The following SPOCK1 variants were observed in gnomAD, a reference collection of about 807,000 sequenced individuals.
SPOCK1 encodes the protein SPARC (osteonectin), cwcv and kazal like domains proteoglycan 1.
In SPOCK1, 23 loss-of-function variants were observed where a neutral mutation model predicts 55.3. That is an observed-to-expected ratio of 0.42 (90% confidence interval 0.30 to 0.59). The LOEUF (loss-of-function observed/expected upper bound fraction) is 0.59. SPOCK1 is among the 20% of genes least tolerant of loss of function. The probability of loss-of-function intolerance (pLI) is 0.22; values close to 1 mark genes in which losing one functional copy is unlikely to be tolerated. For synonymous variants in SPOCK1, 226 were observed against 221.0 expected (o/e 1.02, Z -0.20); for missense variants, 499 against 552.5 (o/e 0.90, Z 0.97).
rs267600351 is a variant in SPOCK1 at position 136,992,578 on chromosome 5, C to T, written c.612G>A (p.Arg204=). The change falls in exon 7 of 11, where the codon CGG becomes CGA. Residue 204 remains arginine (R), a synonymous_variant. Coordinates refer to ENST00000394945, the MANE Select transcript of SPOCK1 (RefSeq NM_004598.4). ...AATCCTTCAGCCGGGAGGCAAGGTT[C>T]CGCAACTCCTTGTCTGTGCAGGCTA... ...ERSACTDKEL[R]NLASRLKDWF... The T allele has an allele frequency of 6.2e-7, 1 of 1,613,858 alleles. No individual in the cohort carries two copies. The highest frequency in any genetic ancestry group is 8.5e-7 in the Non-Finnish European group (1 of 1,179,876).
chr5:137,156,688 C>T (rs969205746), intron 3 of SPOCK1, among the ~76,000 whole-genome samples: 11 of 152,132 alleles, frequency 7.2e-5, no homozygotes, highest in African/African-American at 2.4e-4. Flanking sequence ...TATATATGAC[C>T]TCAAGGAATC....
At chr5:137,223,095 G>T (rs1325080239) in intron 3 of SPOCK1, among the ~76,000 whole-genome samples, 1 of 152,036 alleles carries the variant, frequency 6.6e-6, no homozygotes, top group Non-Finnish European at 1.5e-5. Context: ...TGATAAACAA[G>T]TATCCATGCT....
chr5:137,140,552 C>A, intron 4 of SPOCK1, 28 bp downstream of exon 4: 3 of 1,582,534 alleles, frequency 1.9e-6, no homozygotes, highest in East Asian at 2.2e-5. Context: ...TGCCTCCCAG[C>A]CCCCAGCCCC....
At chr5:137,135,133 G>A (rs893394701) in intron 4 of SPOCK1, among the ~76,000 whole-genome samples, 2 of 152,214 alleles carry the variant, frequency 1.3e-5, no homozygotes, top group African/African-American at 4.8e-5. Flanking sequence ...CTTAGATATT[G>A]TAAGTTCCAT....
chr5:137,339,977 A>C (rs1310957620), intron 2 of SPOCK1, among the ~76,000 whole-genome samples: 1 of 151,996 alleles, frequency 6.6e-6, no homozygotes, highest in Non-Finnish European at 1.5e-5. Flanking sequence ...CCAGCTTCTG[A>C]CTTCCTAGTC....
intron 2 of SPOCK1, among the ~76,000 whole-genome samples, chr5:137,491,309 C>A (rs1754171965): frequency 6.6e-6 from 1 of 152,144 alleles, no homozygotes; most frequent in African/African-American, 2.4e-5. Flanking sequence ...GTTGCATTTC[C>A]CTGCTGGGTT....
chr5:137,214,225 T>C (rs564311479), intron 3 of SPOCK1, among the ~76,000 whole-genome samples: 9 of 152,316 alleles, frequency 5.9e-5, no homozygotes, highest in Admixed American at 2.0e-4. Context: ...TTTATTTCTA[T>C]TTTACAAAGG....
At chr5:137,109,181 G>A (rs1047819782) in intron 5 of SPOCK1, among the ~76,000 whole-genome samples, 1 of 152,224 alleles carries the variant, frequency 6.6e-6, no homozygotes, top group Non-Finnish European at 1.5e-5. Flanking sequence ...GTCTCAGGCT[G>A]AGGATCAGAC....
chr5:137,428,097 G>A (rs1445335918), intron 2 of SPOCK1, among the ~76,000 whole-genome samples: 2 of 152,156 alleles, frequency 1.3e-5, no homozygotes, highest in African/African-American at 4.8e-5. Flanking sequence ...GATAAGCCAA[G>A]CCATGACCCA....
intron 3 of SPOCK1, among the ~76,000 whole-genome samples, chr5:137,192,067 T>A (rs1301338445): frequency 6.6e-6 from 1 of 150,952 alleles, no homozygotes; most frequent in Non-Finnish European, 1.5e-5. Context: ...AAACCTCGTA[T>A]CTACTAAAAT....
At chr5:137,377,533 G>T (rs1297571017) in intron 2 of SPOCK1, among the ~76,000 whole-genome samples, 1 of 152,174 alleles carries the variant, frequency 6.6e-6, no homozygotes, top group African/African-American at 2.4e-5. Flanking sequence ...ATATTTTAAT[G>T]TGTGATGTCT....
intron 3 of SPOCK1, among the ~76,000 whole-genome samples, chr5:137,193,205 A>C (rs992409847): frequency 6.6e-6 from 1 of 152,146 alleles, no homozygotes; most frequent in East Asian, 1.9e-4. Context: ...GTCATGTTAA[A>C]CTAGGAGATC....
chr5:137,026,051 A>C (rs1238784360), intron 6 of SPOCK1, among the ~76,000 whole-genome samples: 1 of 152,268 alleles, frequency 6.6e-6, no homozygotes, highest in African/African-American at 2.4e-5. Context: ...GAAGGCATAC[A>C]GAGAAACATG....
At position 137,460,629 on chromosome 5, in the gene SPOCK1, G is replaced by C. The variant is rs138728926; in HGVS notation, c.186+37744C>G. Reference sequence around the variant, plus strand: ...GAGGCAAGTAACATGAAGTTGCAAAGACTCTCCAAGCAAATTCACTCTGAG... The same window carrying C: ...GAGGCAAGTAACATGAAGTTGCAAACACTCTCCAAGCAAATTCACTCTGAG... On this transcript the variant is annotated intron_variant, in intron 2 of 10. Transcript: ENST00000394945. Among the ~76,000 whole-genome samples the C allele has an allele frequency of 8.7e-4, 133 of 152,288 alleles. 1 individual carries two copies. Among genetic ancestry groups the C allele is most frequent in the African/African-American group, 2.9e-3 (120 of 41,544 alleles).
chr5:137,384,497 C>T lies in SPOCK1; in HGVS notation c.186+113876G>A, dbSNP rs551120933. On this transcript the variant is annotated intron_variant, in intron 2 of 10. Coordinates refer to ENST00000394945, the MANE Select transcript of SPOCK1 (RefSeq NM_004598.4). ...AGCTGCCATCACAAATTCACACAGA[C>T]TTGGTGGCATATACATACATACATG... Among the ~76,000 whole-genome samples the T allele has an allele frequency of 2.6e-4, 40 of 151,958 alleles. No homozygotes were observed. In the South Asian group the frequency reaches 8.1e-3, roughly 31 times the overall value.
chr5:137,132,021 A>ATATATATATATATATATATAT (rs1561621235), intron 4 of SPOCK1, among the ~76,000 whole-genome samples: 2 of 68,502 alleles, frequency 2.9e-5, no homozygotes, highest in African/African-American at 5.7e-5. Context: ...TATATATATA[A>ATATATATATATATATATATAT]AAAATTAGCT....
intron 2 of SPOCK1, among the ~76,000 whole-genome samples, chr5:137,332,560 C>T (rs1180021636): frequency 6.6e-6 from 1 of 152,206 alleles, no homozygotes; most frequent in Non-Finnish European, 1.5e-5. Context: ...TGGCCAGCAC[C>T]ATGGATGCTT....
chr5:137,162,809 C>A (rs954555506), intron 3 of SPOCK1, among the ~76,000 whole-genome samples: 5 of 151,926 alleles, frequency 3.3e-5, no homozygotes, highest in African/African-American at 1.2e-4. Flanking sequence ...AATAAATGAA[C>A]CTGGCAGTTG....
At chr5:137,339,712 C>T (rs1218163344) in intron 2 of SPOCK1, among the ~76,000 whole-genome samples, 2 of 151,970 alleles carry the variant, frequency 1.3e-5, no homozygotes, top group Non-Finnish European at 2.9e-5. Flanking sequence ...GTGTTCATGG[C>T]TGATGAGAGG....
Sources: allele counts gnomAD v4.1 joint callset (sites outside exome capture counted in the v4.1 genomes callset), GRCh38; gene constraint gnomAD v4.1.1; transcripts MANE v1.5; gene names NCBI Gene and HGNC (gene_info 2026-07-23, HGNC 2026-07-21).